KRT83: variants seen among roughly 807,000 people sequenced by gnomAD.
The protein encoded by KRT83 is keratin 83.
In KRT83, 51 loss-of-function variants were observed where a neutral mutation model predicts 52.9. The ratio of observed to expected loss-of-function variants is 0.96; its 90% CI spans 0.77 to 1.22. The LOEUF is 1.22. Ranked by LOEUF, KRT83 falls within the 50% of genes most tolerant of loss-of-function variation. The probability of loss-of-function intolerance (pLI) is 0.00; values close to 1 mark genes in which losing one functional copy is unlikely to be tolerated. For missense variants in KRT83, 654 were observed against 666.5 expected, an observed-to-expected ratio of 0.98 and a Z score of 0.21; for synonymous variants, 278 against 274.1, an observed-to-expected ratio of 1.01 and a Z score of -0.14.
chr12:52,315,423 G>GCCCTGA, intron 7 of KRT83, 80 bp from the exon 8 acceptor site: 1 of 1,400,752 alleles, frequency 7.1e-7, no homozygotes, highest in Non-Finnish European at 1.0e-6. Context: ...GTGCTGAAAT[G>GCCCTGA]GGTCATCTCA....
chr12:52,316,836 G>C, intron 5 of KRT83, 23 bp downstream of exon 5: 1 of 1,614,132 alleles, frequency 6.2e-7, no homozygotes, highest in Admixed American at 1.7e-5. Context: ...ATGTCTAGCA[G>C]GCAGGTGTCC....
At position 52,315,883 on chromosome 12, in the gene KRT83, T is replaced by C. The variant is rs1938677864; in HGVS notation, c.1262+10A>G. On this transcript the variant is annotated intron_variant, in intron 7 of 8. Transcript: ENST00000293670. ...TGCAAGTGGAGTGCTTAGGGCTGGG[T>C]TGGACCCACCTCTGCTCCTCGCCCT... 6.2e-7 allele frequency: 1 copy of C among 1,612,262 alleles called. No homozygotes were observed. The highest frequency in any genetic ancestry group is 8.5e-7 in the Non-Finnish European group (1 of 1,179,864).
chr12:52,316,687 C>A lies in KRT83; in HGVS notation c.916-94G>T. ...ATTGCACAGATTGTGCAGTGCTCGG[C>A]CTGTGCAACCACACGTGGCAGTCCT... On this transcript the variant is annotated intron_variant, in intron 5 of 8. Coordinates refer to ENST00000293670, the MANE Select transcript of KRT83 (RefSeq NM_002282.3). 3.1e-6 allele frequency: 5 copies of A among 1,603,856 alleles called. No homozygotes were observed. The South Asian group carries it at 5.5e-5, about 18-fold the overall frequency.
intron 5 of KRT83, 28 bp from the exon 6 acceptor site, chr12:52,316,621 C>A: frequency 1.2e-6 from 2 of 1,614,162 alleles, no homozygotes; most frequent in Middle Eastern, 1.6e-4. Flanking sequence ...GTTCATGAGG[C>A]TCAGGATGAG....
Position 52,314,781 on chromosome 12 carries a change from A to T in KRT83, c.1332T>A (p.Asp444Glu), listed in dbSNP as rs2857670. Residue 444 changes from aspartate to glutamate, a missense_variant, in exon 9 of 9, where the codon GAT becomes GAA. By Grantham distance (45) the Asp-to-Glu change is conservative. Coordinates refer to ENST00000293670, the MANE Select transcript of KRT83 (RefSeq NM_002282.3). ...SSSRGGVVCG[D>E]LCVSGSRPVT... is the part of the protein sequence containing the mutation. ...CCGGCCGGGAGCCCGACACGCAGAG[A>T]TCCCCGCACACAACCCCACCCCGGG... The T allele has an allele frequency of 6.2e-7, 1 of 1,605,166 alleles. No homozygotes were observed.
chr12:52,319,337 G>C lies in KRT83; in HGVS notation c.412C>G (p.Leu138Val), dbSNP rs1225743825. 1 of 1,614,050 alleles carries C rather than the reference G, an allele frequency of 6.2e-7. No homozygotes were observed. Reference sequence around the variant, plus strand: ...TAGAACTGCAGCTTTGTCTCCAGCAGCTTGTTCTGCTGCTCCAGGAAGCGC... The same window carrying C: ...TAGAACTGCAGCTTTGTCTCCAGCACCTTGTTCTGCTGCTCCAGGAAGCGC... ...KVRFLEQQNK[L>V]LETKLQFYQN... Residue 138 changes from leucine to valine, a missense_variant, in exon 2 of 9, where the codon CTG (leucine) becomes GTG (valine). Leu to Val is a conservative substitution (Grantham distance 32, BLOSUM62 1). Coordinates refer to ENST00000293670, the MANE Select transcript of KRT83 (RefSeq NM_002282.3).
At position 52,315,304 on chromosome 12, in the gene KRT83, A is replaced by G. The variant is rs754341942; in HGVS notation, c.1294+8T>C. On this transcript the variant is annotated splice_region_variant and intron_variant, in intron 8 of 8. Transcript: ENST00000293670. ...TACATTTTCCTTTTCAGGGCTCAAGATACTTACAGACATTCACAGCTTCAA... is the reference window on the plus strand; with the variant it reads ...TACATTTTCCTTTTCAGGGCTCAAGGTACTTACAGACATTCACAGCTTCAA... The G allele has an allele frequency of 6.2e-6, 10 of 1,613,570 alleles. No homozygotes were observed. The highest frequency in any genetic ancestry group is 8.5e-6 in the Non-Finnish European group (10 of 1,179,660).
At chr12:52,320,431 T>C (rs1938752226) in intron 1 of KRT83, among the ~76,000 whole-genome samples, 1 of 152,184 alleles carries the variant, frequency 6.6e-6, no homozygotes, top group African/African-American at 2.4e-5. Context: ...CCTGTGAGGA[T>C]GGGGACCATG....
rs1483050693 is a variant in KRT83, at chr12:52,314,731, G to A, written c.1382C>T (p.Pro461Leu). 6.3e-7 allele frequency: 1 copy of A among 1,593,380 alleles called. No homozygotes were observed. Among genetic ancestry groups the A allele is most frequent in the South Asian group, 1.1e-5 (1 of 87,172 alleles). Residue 461 changes from proline to leucine, a missense_variant, in exon 9 of 9, where the codon CCC becomes CTC. By Grantham distance (98) the Pro-to-Leu change is moderately conservative. Transcript: ENST00000293670. ...RPVTGSVCSA[P>L]CNGNLVVSTG... ...GCTCACCACCAGGTTCCCGTTGCAG[G>A]GGGCACTGCAGACGCTGCCCGTCAC...
At chr12:52,319,058 A>G in intron 2 of KRT83, 98 bp downstream of exon 2, 1 of 1,570,768 alleles carries the variant, frequency 6.4e-7, no homozygotes, top group South Asian at 1.1e-5. Flanking sequence ...CTCCACTCTC[A>G]GGCAGAGATG....
chr12:52,315,643 G>A (rs1280910853), intron 7 of KRT83, among the ~76,000 whole-genome samples: 2 of 152,240 alleles, frequency 1.3e-5, no homozygotes, highest in Non-Finnish European at 2.9e-5. Flanking sequence ...ACTTTCAGAA[G>A]GAGAAGGCCC....
At chr12:52,317,164 G>T in intron 4 of KRT83, 141 bp from the exon 5 acceptor site, 1 of 1,129,166 alleles carries the variant, frequency 8.9e-7, no homozygotes. Flanking sequence ...ATAACTTTCT[G>T]CACAAATAGG....
At chr12:52,319,990 C>T (rs954588440) in intron 1 of KRT83, among the ~76,000 whole-genome samples, 1 of 152,196 alleles carries the variant, frequency 6.6e-6, no homozygotes, top group African/African-American at 2.4e-5. Flanking sequence ...AAACTCCGAT[C>T]TTCTGCGCTG....
chr12:52,314,806 G>C lies in KRT83; in HGVS notation c.1307C>G (p.Ser436Cys). 1 of 1,605,588 alleles carries C rather than the reference G, an allele frequency of 6.2e-7. No individual in the cohort carries two copies. The highest frequency in any genetic ancestry group is 8.5e-7 in the Non-Finnish European group (1 of 1,176,792). ...ATCCCCGCACACAACCCCACCCCGG[G>C]AGCTGCTGACACCTGTGGGAACAAG... ...VEAVNVCVSS[S>C]RGGVVCGDLC... The change falls in exon 9 of 9, where the codon TCC becomes TGC. Residue 436 changes from serine (S) to cysteine (C), a missense_variant. Transcript: ENST00000293670.
intron 1 of KRT83, among the ~76,000 whole-genome samples, chr12:52,320,443 C>A (rs1938752301): frequency 6.6e-6 from 1 of 152,226 alleles, no homozygotes; most frequent in Non-Finnish European, 1.5e-5. Flanking sequence ...GGGACCATGA[C>A]TCTTGCTCAC....
chr12:52,317,478 C>T (rs1938705038), intron 4 of KRT83, among the ~76,000 whole-genome samples: 1 of 152,184 alleles, frequency 6.6e-6, no homozygotes, highest in Non-Finnish European at 1.5e-5. Flanking sequence ...GCTCACTCTC[C>T]TGCCCCTTAC....
At chr12:52,316,261 TACACACACACACACAC>T in intron 6 of KRT83, 148 bp from the exon 7 acceptor site, 1 of 810,432 alleles carries the variant, frequency 1.2e-6, no homozygotes, top group Non-Finnish European at 2.0e-6. Context: ...TCACTTACAC[TACACACACACACACAC>T]ACACACACCA....
Position 52,315,952 on chromosome 12 carries a change from C to T in KRT83, c.1203G>A (p.Lys401=), listed in dbSNP as rs199719454. The T allele has an allele frequency of 1.2e-5, 20 of 1,612,870 alleles. No individual in the cohort carries two copies. Among genetic ancestry groups the T allele is most frequent in the Non-Finnish European group, 1.6e-5 (19 of 1,179,924 alleles). The change falls in exon 7 of 9, where the codon AAG becomes AAA. Residue 401 remains lysine, a synonymous_variant. Coordinates refer to ENST00000293670, the MANE Select transcript of KRT83 (RefSeq NM_002282.3). The stretch of plus-strand genomic sequence containing the variant: ...TGGCGATCTCGATATCCAGGCCTAG[C>T]TTGGAGTTCATCACCTCCTGGTACT... ...IREYQEVMNS[K]LGLDIEIATY... is the part of the protein sequence containing the mutation.
chr12:52,317,059 A>T (rs1938699763), intron 4 of KRT83, 36 bp from the exon 5 acceptor site: 2 of 1,614,070 alleles, frequency 1.2e-6, no homozygotes, highest in Non-Finnish European at 1.7e-6. Context: ...CAACTCACTT[A>T]TCTGGGCTTC....
Sources: gnomAD v4.1 joint callset for allele counts (sites outside exome capture counted in the v4.1 genomes callset) on GRCh38, gnomAD v4.1.1 for gene constraint, MANE v1.5 for transcripts, NCBI Gene and HGNC (gene_info 2026-07-23, HGNC 2026-07-21) for gene names.